Variants in SPTLC3 observed in about 807,000 individuals in gnomAD.
SPTLC3 encodes the protein serine palmitoyltransferase long chain base subunit 3, also known as serine palmitoyltransferase 3.
In SPTLC3, 36 loss-of-function variants were observed where a neutral mutation model predicts 59.3. The observed-to-expected ratio is 0.61, with a 90% CI of 0.47 to 0.80. The LOEUF (loss-of-function observed/expected upper bound fraction) is 0.80, where lower values mean the gene tolerates loss of function less well. Ranked by LOEUF, SPTLC3 falls within the 30% of genes least tolerant of loss-of-function variation. The pLI, the probability that SPTLC3 is intolerant of heterozygous loss-of-function variation, is 0.00. For missense variants in SPTLC3, 625 were observed against 685.1 expected, an observed-to-expected ratio of 0.91 and a Z score of 0.98; for synonymous variants, 257 against 240.8, an observed-to-expected ratio of 1.07 and a Z score of -0.62.
chr20:13,021,952 T>G (rs571696616), intron 1 of SPTLC3, among the ~76,000 whole-genome samples: 3 of 152,330 alleles, frequency 2.0e-5, no homozygotes, highest in Non-Finnish European at 4.4e-5. Flanking sequence ...GACTACTTGA[T>G]GTATAGAGAT....
intron 7 of SPTLC3, among the ~76,000 whole-genome samples, chr20:13,117,027 A>C (rs185675069): frequency 2.0e-3 from 301 of 152,352 alleles, no homozygotes; most frequent in Non-Finnish European, 3.8e-3. Context: ...ATGATGTCTT[A>C]AATAAAGTTC....
intron 1 of SPTLC3, among the ~76,000 whole-genome samples, chr20:13,043,939 A>G (rs1484056115): frequency 1.3e-5 from 2 of 151,982 alleles, no homozygotes; most frequent in Non-Finnish European, 2.9e-5. Context: ...GAGAGTCCCC[A>G]TATACAATGG....
chr20:13,128,198 T>A (rs2038038158), intron 9 of SPTLC3, among the ~76,000 whole-genome samples: 1 of 152,264 alleles, frequency 6.6e-6, no homozygotes, highest in Non-Finnish European at 1.5e-5. Flanking sequence ...TTTGCTGTTG[T>A]TTCTGAGGTG....
At chr20:13,075,252 T>C (rs893973161) in intron 4 of SPTLC3, among the ~76,000 whole-genome samples, 1 of 152,110 alleles carries the variant, frequency 6.6e-6, no homozygotes. Flanking sequence ...ATAACCAACC[T>C]AATTCCCAGT....
chr20:13,103,133 G>A (rs6109699), intron 6 of SPTLC3, among the ~76,000 whole-genome samples: 10,442 of 152,174 alleles, frequency 0.069, 380 homozygotes, highest in South Asian at 0.11. Context: ...AAACTTAAAG[G>A]CACCAGATTT....
chr20:13,112,232 C>G (rs940272846), intron 7 of SPTLC3, among the ~76,000 whole-genome samples: 5 of 152,236 alleles, frequency 3.3e-5, no homozygotes, highest in African/African-American at 1.2e-4. Context: ...GACACTTTGT[C>G]TGGGGCTGGA....
chr20:13,029,700 T>G (rs1262073687), intron 1 of SPTLC3, among the ~76,000 whole-genome samples: 1 of 152,170 alleles, frequency 6.6e-6, no homozygotes, highest in East Asian at 1.9e-4. Flanking sequence ...ATGTGCTGCT[T>G]TCAGTGCAAA....
In SPTLC3 at chr20:13,117,499, G is replaced by T. The variant is rs556719722; in HGVS notation, c.933-7G>T. On this transcript the variant is annotated splice_polypyrimidine_tract_variant and splice_region_variant and intron_variant, in intron 7 of 11. Transcript: ENST00000399002. ...GTTAGTTATGAGCATTTCTCCTTCTGCCCTAGCATGGAAGGTTCCATCGTG... is the reference window on the plus strand; with the variant it reads ...GTTAGTTATGAGCATTTCTCCTTCTTCCCTAGCATGGAAGGTTCCATCGTG... 1.9e-6 allele frequency: 3 copies of T among 1,571,566 alleles called. No homozygotes were observed. The highest frequency in any genetic ancestry group is 1.9e-5 in the Admixed American group (1 of 52,916).
intron 1 of SPTLC3, among the ~76,000 whole-genome samples, chr20:13,018,323 C>T (rs2122376524): frequency 6.6e-6 from 1 of 152,282 alleles, no homozygotes; most frequent in Non-Finnish European, 1.5e-5. Context: ...TTTACATTTA[C>T]AGAGTTTGCT....
At chr20:13,032,575 G>A (rs929568475) in intron 1 of SPTLC3, among the ~76,000 whole-genome samples, 1 of 152,082 alleles carries the variant, frequency 6.6e-6, no homozygotes, top group Non-Finnish European at 1.5e-5. Context: ...CCCACCAATG[G>A]GTGCCCACAC....
intron 9 of SPTLC3, among the ~76,000 whole-genome samples, chr20:13,132,524 T>C (rs2038145187): frequency 2.0e-5 from 3 of 152,198 alleles, no homozygotes; most frequent in South Asian, 4.1e-4. Context: ...TGTATATGTA[T>C]CTGCTTATTA....
intron 9 of SPTLC3, among the ~76,000 whole-genome samples, chr20:13,144,155 T>A (rs2038451657): frequency 6.6e-6 from 1 of 152,170 alleles, no homozygotes; most frequent in Non-Finnish European, 1.5e-5. Flanking sequence ...ACTCATCCCT[T>A]TCCTCCCCAT....
At chr20:13,010,876 C>T (rs1412202510) in intron 1 of SPTLC3, among the ~76,000 whole-genome samples, 1 of 151,996 alleles carries the variant, frequency 6.6e-6, no homozygotes, top group Admixed American at 6.6e-5. Context: ...AGATTAGAAA[C>T]TTAGACAGTT....
intron 2 of SPTLC3, among the ~76,000 whole-genome samples, chr20:13,064,271 CTTTTTTT>C (rs33973192): frequency 2.2e-5 from 3 of 137,202 alleles, no homozygotes; most frequent in East Asian, 2.1e-4. Flanking sequence ...TTTTCCTTTT[CTTTTTTT>C]TTTTTGTTTT....
intron 2 of SPTLC3, among the ~76,000 whole-genome samples, chr20:13,058,139 T>C (rs1359765248): frequency 7.0e-6 from 1 of 143,080 alleles, no homozygotes; most frequent in African/African-American, 2.7e-5. Flanking sequence ...GAAAACAAAG[T>C]GGGTTCAGCA....
intron 6 of SPTLC3, among the ~76,000 whole-genome samples, chr20:13,109,874 C>T (rs1430326111): frequency 6.6e-6 from 1 of 152,122 alleles, no homozygotes. Flanking sequence ...GGAAACCATG[C>T]CCCACTGGTG....
chr20:13,032,513 CCATT>C, intron 1 of SPTLC3, among the ~76,000 whole-genome samples: 1 of 152,172 alleles, frequency 6.6e-6, no homozygotes, highest in Non-Finnish European at 1.5e-5. Context: ...CAAGTATATA[CCATT>C]CAAGGCCCAG....
At chr20:13,148,508 G>C (rs1003766281) in intron 9 of SPTLC3, among the ~76,000 whole-genome samples, 2 of 152,140 alleles carry the variant, frequency 1.3e-5, no homozygotes, top group East Asian at 3.9e-4. Context: ...CCCACGAAAA[G>C]GTATCTCAGG....
intron 1 of SPTLC3, among the ~76,000 whole-genome samples, chr20:13,025,788 T>C (rs1260859532): frequency 1.3e-5 from 2 of 152,126 alleles, no homozygotes; most frequent in Non-Finnish European, 2.9e-5. Flanking sequence ...ATAGGTAAAC[T>C]TGTGTCACAG....
Sources: gnomAD v4.1 joint callset for allele counts (sites outside exome capture counted in the v4.1 genomes callset) on GRCh38, gnomAD v4.1.1 for gene constraint, MANE v1.5 for transcripts, NCBI Gene and HGNC (gene_info 2026-07-23, HGNC 2026-07-21) for gene names.